The following RBFOX1 variants were observed in gnomAD, a reference collection of about 807,000 sequenced individuals.
RBFOX1 encodes RNA binding fox-1 homolog 1, also known as RNA binding protein fox-1 homolog 1.
In RBFOX1, 8 loss-of-function variants were observed where a neutral mutation model predicts 57.7. The observed-to-expected ratio is 0.14, with a 90% CI of 0.08 to 0.25. RBFOX1 has a LOEUF of 0.25. RBFOX1 is among the 10% of genes least tolerant of loss of function. The probability of loss-of-function intolerance (pLI) is 1.00; values close to 1 mark genes in which losing one functional copy is unlikely to be tolerated. For missense variants in RBFOX1, 611 were observed against 548.5 expected, an observed-to-expected ratio of 1.11 and a Z score of -1.14; for synonymous variants, 326 against 222.4, an observed-to-expected ratio of 1.47 and a Z score of -4.15.
chr16:7,706,004 C>A (rs1282608841), intron 14 of RBFOX1, among the ~76,000 whole-genome samples: 2 of 152,188 alleles, frequency 1.3e-5, no homozygotes, highest in African/African-American at 4.8e-5. Flanking sequence ...CGTAAGACCT[C>A]TTCCCATCAT....
intron 1 of RBFOX1, among the ~76,000 whole-genome samples, chr16:5,268,927 T>TC (rs1299837612): frequency 6.6e-6 from 1 of 152,128 alleles, no homozygotes; most frequent in Non-Finnish European, 1.5e-5. Context: ...ATTTTTTTTT[T>TC]TTTTTGAGAC....
At position 6,833,562 on chromosome 16, in the gene RBFOX1, C is replaced by A. The variant is rs900301365; in HGVS notation, c.-16+178912C>A. On this transcript the variant is annotated intron_variant, in intron 3 of 15. Transcript: ENST00000550418. The stretch of plus-strand genomic sequence containing the variant: ...GGCCAGCTACTCTCTGACAGTCTGA[C>A]CGATCATTTCCTCCACTGCACTTAT... 2.0e-5 allele frequency among the ~76,000 whole-genome samples: 3 copies of A among 152,288 alleles called. No homozygotes were observed. The South Asian group carries it at 6.2e-4, about 32-fold the overall frequency.
intron 3 of RBFOX1, among the ~76,000 whole-genome samples, chr16:6,892,744 G>C (rs2065770151): frequency 6.7e-6 from 1 of 148,824 alleles, no homozygotes; most frequent in Non-Finnish European, 1.5e-5. Context: ...AGAAGTATCA[G>C]AAATGCATAT....
At chr16:7,028,815 C>G (rs1006953109) in intron 3 of RBFOX1, among the ~76,000 whole-genome samples, 12 of 150,870 alleles carry the variant, frequency 8.0e-5, no homozygotes, top group Non-Finnish European at 1.2e-4. Flanking sequence ...ATCAACAAAG[C>G]CAGCAGTATG....
intron 1 of RBFOX1, among the ~76,000 whole-genome samples, chr16:6,033,780 A>T (rs1472219126): frequency 1.3e-5 from 2 of 152,192 alleles, no homozygotes; most frequent in Non-Finnish European, 2.9e-5. Context: ...TGTCTGTAGG[A>T]TACATTCTTA....
At chr16:6,827,523 G>A (rs1034282353) in intron 3 of RBFOX1, among the ~76,000 whole-genome samples, 2 of 152,132 alleles carry the variant, frequency 1.3e-5, no homozygotes, top group African/African-American at 4.8e-5. Context: ...CAAAGCCTGA[G>A]TGTGACCATG....
chr16:6,450,835 ATGTGT>A, intron 2 of RBFOX1, among the ~76,000 whole-genome samples: 1 of 19,814 alleles, frequency 5.0e-5, no homozygotes, highest in South Asian at 1.6e-3. Flanking sequence ...ATATATATAT[ATGTGT>A]ATATATATAT....
At chr16:5,728,340 T>A (rs1489012226) in intron 3 of RBFOX1, among the ~76,000 whole-genome samples, 2 of 152,202 alleles carry the variant, frequency 1.3e-5, no homozygotes, top group Non-Finnish European at 2.9e-5. Flanking sequence ...TTATCCCTAT[T>A]GTCAAAAGCT....
chr16:5,883,984 T>A (rs536205719), intron 4 of RBFOX1, among the ~76,000 whole-genome samples: 26 of 152,260 alleles, frequency 1.7e-4, no homozygotes, highest in African/African-American at 6.0e-4. Flanking sequence ...AATGCTGAGA[T>A]CCCATTGACT....
chr16:6,787,412 C>G (rs1380959993), intron 3 of RBFOX1, among the ~76,000 whole-genome samples: 1 of 152,124 alleles, frequency 6.6e-6, no homozygotes, highest in Non-Finnish European at 1.5e-5. Context: ...AGCAACAATG[C>G]CGTGTGATTT....
At chr16:7,429,644 C>A (rs898753229) in intron 4 of RBFOX1, among the ~76,000 whole-genome samples, 1 of 152,136 alleles carries the variant, frequency 6.6e-6, no homozygotes, top group African/African-American at 2.4e-5. Context: ...ATGGGAGGAA[C>A]TGATAAAAAC....
intron 3 of RBFOX1, among the ~76,000 whole-genome samples, chr16:7,041,209 C>G (rs935352454): frequency 6.7e-6 from 1 of 149,496 alleles, no homozygotes; most frequent in Non-Finnish European, 1.5e-5. Context: ...GCTGGGATTA[C>G]AGGTGTGAGC....
chr16:7,624,673 G>T (rs774186783), intron 10 of RBFOX1, among the ~76,000 whole-genome samples: 1 of 152,208 alleles, frequency 6.6e-6, no homozygotes, highest in Admixed American at 6.5e-5. Context: ...GTGCTACTCA[G>T]ACATTGCCCT....
chr16:6,905,170 A>C (rs761378869), intron 3 of RBFOX1, among the ~76,000 whole-genome samples: 2 of 152,102 alleles, frequency 1.3e-5, no homozygotes, highest in African/African-American at 2.4e-5. Context: ...CAAATCCTTT[A>C]TTCTTTATCC....
At chr16:7,214,528 G>C (rs2091708175) in intron 4 of RBFOX1, among the ~76,000 whole-genome samples, 1 of 151,832 alleles carries the variant, frequency 6.6e-6, no homozygotes, top group South Asian at 2.1e-4. Flanking sequence ...CCGTCTCTCA[G>C]ACAGGAAACC....
At chr16:7,639,051 A>T (rs564735746) in intron 11 of RBFOX1, among the ~76,000 whole-genome samples, 2 of 152,146 alleles carry the variant, frequency 1.3e-5, no homozygotes, top group African/African-American at 4.8e-5. Flanking sequence ...ATACAAATTG[A>T]TCTTGATTTA....
chr16:5,866,731 A>T (rs1177377287), intron 3 of RBFOX1, among the ~76,000 whole-genome samples: 1 of 152,168 alleles, frequency 6.6e-6, no homozygotes, highest in Non-Finnish European at 1.5e-5. Flanking sequence ...AAACCCCAAT[A>T]TTTTCATTTA....
chr16:5,339,865 G>T (rs552894783), intron 1 of RBFOX1, among the ~76,000 whole-genome samples: 49 of 152,186 alleles, frequency 3.2e-4, no homozygotes, highest in Middle Eastern at 3.4e-3. Context: ...GACTGAGCAG[G>T]AGCCATAGAA....
chr16:5,256,859 A>C (rs1451599692), intron 1 of RBFOX1, among the ~76,000 whole-genome samples: 1 of 151,996 alleles, frequency 6.6e-6, no homozygotes, highest in Non-Finnish European at 1.5e-5. Context: ...ATTTGAGCTC[A>C]GGAGGCAGAG....
Sources: allele counts gnomAD v4.1 joint callset (sites outside exome capture counted in the v4.1 genomes callset), GRCh38; gene constraint gnomAD v4.1.1; transcripts MANE v1.5; gene names NCBI Gene and HGNC (gene_info 2026-07-23, HGNC 2026-07-21).